Variants in CDC40 observed in about 807,000 individuals in gnomAD.
CDC40 encodes cell division cycle 40.
A neutral mutation model predicts 80.6 loss-of-function variants in CDC40; 27 were observed. That is an observed-to-expected ratio of 0.33 (90% CI 0.25 to 0.46). CDC40 has a LOEUF of 0.46. Among genes scored for constraint, CDC40 ranks in the 20% least tolerant of loss-of-function variants. The probability of loss-of-function intolerance (pLI) is 1.00; values close to 1 mark genes in which losing one functional copy is unlikely to be tolerated. For synonymous variants in CDC40, 221 were observed against 232.6 expected (o/e 0.95, Z 0.45); for missense variants, 486 against 694.1 (o/e 0.70, Z 3.37).
intron 9 of CDC40, among the ~76,000 whole-genome samples, chr6:110,216,998 T>G (rs577091169): frequency 6.6e-6 from 1 of 152,064 alleles, no homozygotes; most frequent in Non-Finnish European, 1.5e-5. Flanking sequence ...TCCCAGCTAC[T>G]CGAAAAGCTG....
At chr6:110,194,007 A>G (rs1195702789) in intron 2 of CDC40, among the ~76,000 whole-genome samples, 1 of 152,206 alleles carries the variant, frequency 6.6e-6, no homozygotes, top group Non-Finnish European at 1.5e-5. Context: ...ATGCACTGCC[A>G]GAAAGTAGTC....
At chr6:110,207,337 A>AG (rs1312206521) in intron 3 of CDC40, among the ~76,000 whole-genome samples, 169 bp from the exon 4 acceptor site, 16 of 150,336 alleles carry the variant, frequency 1.1e-4, no homozygotes, top group African/African-American at 3.9e-4. Flanking sequence ...AAAAAAAAAA[A>AG]GGAAGCAATA....
chr6:110,190,273 G>A (rs76501567), intron 1 of CDC40, among the ~76,000 whole-genome samples: 4,243 of 152,188 alleles, frequency 0.028, 93 homozygotes, highest in East Asian at 0.12. Context: ...GGTACAAGGC[G>A]GTAACATTGC....
At chr6:110,216,108 A>C (rs997509040) in intron 9 of CDC40, among the ~76,000 whole-genome samples, 1 of 152,176 alleles carries the variant, frequency 6.6e-6, no homozygotes, top group African/African-American at 2.4e-5. Flanking sequence ...CCAGAGGTCG[A>C]GCTTTGAAGA....
In CDC40 at chr6:110,227,845, T is replaced by G. The variant is rs138200552; in HGVS notation, c.1418-987T>G. 4.7e-3 allele frequency among the ~76,000 whole-genome samples: 716 copies of G among 152,326 alleles called. 3 individuals carry two copies. Among genetic ancestry groups the G allele is most frequent in the Admixed American group, 7.9e-3 (121 of 15,304 alleles). Reference sequence around the variant, plus strand: ...CCATTTTATATAAGGGACTTGAGCATCTGTGAATTTTGGTATTGGGTAGGG... The same window carrying G: ...CCATTTTATATAAGGGACTTGAGCAGCTGTGAATTTTGGTATTGGGTAGGG... On this transcript the variant is annotated intron_variant, in intron 13 of 14. Transcript: ENST00000307731.
At chr6:110,212,354 T>C (rs1242572775) in intron 7 of CDC40, 82 bp downstream of exon 7, 40 of 1,394,954 alleles carry the variant, frequency 2.9e-5, no homozygotes, top group Non-Finnish European at 3.8e-5. Flanking sequence ...ATGTGGAACA[T>C]TTAGTATTTC....
chr6:110,218,700 T>C (rs577995092), intron 10 of CDC40, among the ~76,000 whole-genome samples: 3 of 152,314 alleles, frequency 2.0e-5, no homozygotes, highest in Admixed American at 1.3e-4. Context: ...TTGGTATGGC[T>C]ATAGACTAGA....
chr6:110,228,689 G>T, intron 13 of CDC40, 143 bp from the exon 14 acceptor site: 2 of 573,452 alleles, frequency 3.5e-6, no homozygotes, highest in Non-Finnish European at 5.8e-6. Flanking sequence ...ACATTTTACA[G>T]GTGGTATAGT....
intron 10 of CDC40, among the ~76,000 whole-genome samples, 200 bp downstream of exon 10, chr6:110,218,003 C>T (rs1021420246): frequency 2.0e-5 from 3 of 152,152 alleles, no homozygotes; most frequent in Non-Finnish European, 2.9e-5. Flanking sequence ...CTTGTTTCCA[C>T]CAGATAGATT....
At chr6:110,204,051 T>C (rs891192266) in intron 3 of CDC40, among the ~76,000 whole-genome samples, 3 of 152,288 alleles carry the variant, frequency 2.0e-5, no homozygotes, top group Non-Finnish European at 2.9e-5. Context: ...CTCACTCTCT[T>C]GCCCAGGCTG....
At chr6:110,187,423 T>C (rs1777288962) in intron 1 of CDC40, among the ~76,000 whole-genome samples, 2 of 152,218 alleles carry the variant, frequency 1.3e-5, no homozygotes, top group South Asian at 4.1e-4. Flanking sequence ...TTGAGGCATA[T>C]TTTTCAGTTT....
intron 1 of CDC40, among the ~76,000 whole-genome samples, chr6:110,186,645 T>C (rs1378800045): frequency 1.3e-5 from 2 of 152,226 alleles, no homozygotes; most frequent in Non-Finnish European, 2.9e-5. Flanking sequence ...ATAAATCAGC[T>C]GTTGGTGTAG....
chr6:110,185,240 T>A (rs866321324), intron 1 of CDC40, among the ~76,000 whole-genome samples: 1 of 134,892 alleles, frequency 7.4e-6, no homozygotes, highest in South Asian at 2.4e-4. Context: ...CATCTTTTTT[T>A]CTTTTTTTTT....
chr6:110,194,618 G>A (rs1292222699), intron 2 of CDC40, among the ~76,000 whole-genome samples: 1 of 152,152 alleles, frequency 6.6e-6, no homozygotes, highest in Non-Finnish European at 1.5e-5. Flanking sequence ...TAGCATGTCA[G>A]ACTACTGGTG....
chr6:110,212,929 C>T (rs557113866), intron 7 of CDC40, among the ~76,000 whole-genome samples, 157 bp from the exon 8 acceptor site: 1 of 152,212 alleles, frequency 6.6e-6, no homozygotes, highest in Admixed American at 6.5e-5. Flanking sequence ...ATAAGGCCTG[C>T]TCTTGGAATG....
chr6:110,230,361 T>C lies in CDC40; in HGVS notation c.*230T>C, dbSNP rs1777919571. The C allele has an allele frequency of 2.4e-6, 1 of 409,874 alleles. No homozygotes were observed. The highest frequency in any genetic ancestry group is 4.3e-6 in the Non-Finnish European group (1 of 232,100). The allele number at this position is 409,874 out of a possible 1,614,324, so 25.4% of individuals were successfully genotyped here. ...GGCTATTGACTTTCTATTTGACAAG[T>C]AGTTATAATTGGCAAGCAGTTTGAG... On this transcript the variant is annotated 3_prime_UTR_variant, in exon 15 of 15. Transcript: ENST00000307731.
At chr6:110,201,464 T>C in intron 2 of CDC40, 94 bp from the exon 3 acceptor site, 1 of 959,672 alleles carries the variant, frequency 1.0e-6, no homozygotes, top group Non-Finnish European at 1.5e-6. Flanking sequence ...AGGCCCTTTT[T>C]TTGTACAGTT....
intron 2 of CDC40, 24 bp from the exon 3 acceptor site, chr6:110,201,534 A>ATT: frequency 6.5e-7 from 1 of 1,529,558 alleles, no homozygotes; most frequent in South Asian, 1.2e-5. Flanking sequence ...ATTTTATTTT[A>ATT]TTTTTTTTCT....
At chr6:110,203,146 A>G (rs1777514843) in intron 3 of CDC40, among the ~76,000 whole-genome samples, 2 of 152,156 alleles carry the variant, frequency 1.3e-5, no homozygotes, top group Non-Finnish European at 2.9e-5. Flanking sequence ...AGTAAACTTA[A>G]TAAGTGAACT....
Sources: allele counts gnomAD v4.1 joint callset (sites outside exome capture counted in the v4.1 genomes callset), GRCh38; gene constraint gnomAD v4.1.1; transcripts MANE v1.5; gene names NCBI Gene and HGNC (gene_info 2026-07-23, HGNC 2026-07-21).